Variants in CMSS1 observed in about 807,000 individuals in gnomAD.
CMSS1 encodes the protein protein CMSS1.
In CMSS1, 33 loss-of-function variants were observed where a neutral mutation model predicts 43.5. The observed-to-expected ratio is 0.76, with a 90% CI of 0.57 to 1.01. The LOEUF is 1.01. Ranked by LOEUF, CMSS1 falls within the 50% of genes least tolerant of loss-of-function variation. The probability of loss-of-function intolerance (pLI) is 0.00; values close to 1 mark genes in which losing one functional copy is unlikely to be tolerated. For synonymous variants in CMSS1, 115 were observed against 117.2 expected, an observed-to-expected ratio of 0.98 and a Z score of 0.12; for missense variants, 313 against 326.4, an observed-to-expected ratio of 0.96 and a Z score of 0.32.
chr3:99,943,565 G>T (rs1303399816), intron 1 of CMSS1, among the ~76,000 whole-genome samples: 2 of 152,024 alleles, frequency 1.3e-5, no homozygotes, highest in Admixed American at 6.5e-5. Context: ...TTAGCCGGGC[G>T]TGGTGGCATG....
chr3:99,992,789 T>C (rs987933007), intron 1 of CMSS1, among the ~76,000 whole-genome samples: 1 of 152,164 alleles, frequency 6.6e-6, no homozygotes, highest in Non-Finnish European at 1.5e-5. Flanking sequence ...AAGGTTTTTA[T>C]GGTTTCAGAT....
In CMSS1 at chr3:99,870,298, G is replaced by A. The variant is rs116727418; in HGVS notation, c.64+52255G>A. Among the ~76,000 whole-genome samples, 141 of 152,280 alleles carry A rather than the reference G, an allele frequency of 9.3e-4. 3 individuals carry two copies. Among genetic ancestry groups the A allele is most frequent in the Admixed American group, 2.6e-4 (4 of 15,298 alleles). On this transcript the variant is annotated intron_variant, in intron 1 of 9. Transcript: ENST00000421999. Reference sequence around the variant, plus strand: ...TTATTCTTACTCTTTTAGTCTCACCGTTGAGACACTAACATTTATCCCTGT... The same window carrying A: ...TTATTCTTACTCTTTTAGTCTCACCATTGAGACACTAACATTTATCCCTGT...
intron 1 of CMSS1, among the ~76,000 whole-genome samples, chr3:100,083,775 A>G (rs185872223): frequency 2.0e-4 from 31 of 152,240 alleles, no homozygotes; most frequent in Middle Eastern, 3.4e-3. Context: ...GGGTCTCCCT[A>G]TGTTGCCCAG....
At chr3:99,927,430 C>T (rs965737330) in intron 1 of CMSS1, among the ~76,000 whole-genome samples, 1 of 150,180 alleles carries the variant, frequency 6.7e-6, no homozygotes, top group East Asian at 2.0e-4. Context: ...AGTGCAATGG[C>T]GTGATCTCAG....
At chr3:99,883,738 A>G (rs1478317866) in intron 1 of CMSS1, among the ~76,000 whole-genome samples, 8 of 152,232 alleles carry the variant, frequency 5.3e-5, no homozygotes, top group Admixed American at 1.3e-4. Flanking sequence ...AAAAACAATA[A>G]TAGGTGACAC....
At position 100,160,799 on chromosome 3, in the gene CMSS1, G is replaced by T. The variant is rs184619066; in HGVS notation, c.225+298G>T. ...ACATAGATTTCTAATTCTAGAAGGAGTCCAGAGCTATCCTCCCCCGGCCCT... is the reference window on the plus strand; with the variant it reads ...ACATAGATTTCTAATTCTAGAAGGATTCCAGAGCTATCCTCCCCCGGCCCT... On this transcript the variant is annotated intron_variant, in intron 3 of 9. Transcript: ENST00000421999. Among the ~76,000 whole-genome samples, 153 of 152,288 alleles carry T rather than the reference G, an allele frequency of 1.0e-3. 4 individuals carry two copies. Among genetic ancestry groups the T allele is most frequent in the Admixed American group, 0.01 (153 of 15,298 alleles).
At chr3:99,968,462 G>A (rs1218164015) in intron 1 of CMSS1, among the ~76,000 whole-genome samples, 6 of 152,030 alleles carry the variant, frequency 3.9e-5, no homozygotes, top group Non-Finnish European at 7.4e-5. Flanking sequence ...GATATGTTGG[G>A]TTTAAGTCCT....
chr3:100,031,239 G>A (rs1225707086), intron 1 of CMSS1, among the ~76,000 whole-genome samples: 1 of 152,120 alleles, frequency 6.6e-6, no homozygotes, highest in Non-Finnish European at 1.5e-5. Context: ...TTCTCTAGTG[G>A]AAATCAGGAT....
At chr3:99,998,996 C>A (rs565776769) in intron 1 of CMSS1, among the ~76,000 whole-genome samples, 44 of 152,196 alleles carry the variant, frequency 2.9e-4, no homozygotes, top group Non-Finnish European at 5.4e-4. Flanking sequence ...TTGGTTTATT[C>A]TTTAATACTT....
At chr3:100,106,013 A>G (rs2066388997) in intron 1 of CMSS1, among the ~76,000 whole-genome samples, 2 of 152,212 alleles carry the variant, frequency 1.3e-5, no homozygotes, top group African/African-American at 4.8e-5. Flanking sequence ...CTGGGAGTCT[A>G]GAAGTCAAGA....
At chr3:99,871,183 T>G (rs989208530) in intron 1 of CMSS1, among the ~76,000 whole-genome samples, 13 of 152,234 alleles carry the variant, frequency 8.5e-5, no homozygotes, top group Admixed American at 7.9e-4. Context: ...TGACTTAACC[T>G]GAGCCTAACT....
rs574353756 is a variant in CMSS1 at position 99,876,837 on chromosome 3, A to C, written c.64+58794A>C. Among the ~76,000 whole-genome samples the C allele has an allele frequency of 2.0e-5, 3 of 152,312 alleles. No individual in the cohort carries two copies. In the South Asian group the frequency reaches 6.2e-4, roughly 32 times the overall value. On this transcript the variant is annotated intron_variant, in intron 1 of 9. Transcript: ENST00000421999. ...TTTCTGCATGCCTGTGTTTTAACGA[A>C]AGCAGTTAAAACTATCATTTTTTGG...
At chr3:99,936,084 T>G (rs1707656636) in intron 1 of CMSS1, among the ~76,000 whole-genome samples, 1 of 152,178 alleles carries the variant, frequency 6.6e-6, no homozygotes, top group Admixed American at 6.5e-5. Context: ...CTTTTTAGTC[T>G]TCATTTTCTT....
At chr3:99,957,326 A>G (rs1708348235) in intron 1 of CMSS1, among the ~76,000 whole-genome samples, 1 of 152,130 alleles carries the variant, frequency 6.6e-6, no homozygotes, top group South Asian at 2.1e-4. Flanking sequence ...CTAAGCATTA[A>G]CAGAAAGTAT....
chr3:99,977,138 T>G (rs1256883919), intron 1 of CMSS1, among the ~76,000 whole-genome samples: 1 of 152,188 alleles, frequency 6.6e-6, no homozygotes. Context: ...CATGGAGGGA[T>G]GAAGCAACCT....
intron 2 of CMSS1, among the ~76,000 whole-genome samples, chr3:100,156,290 A>ATT (rs1315936475): frequency 1.1e-5 from 1 of 94,632 alleles, no homozygotes; most frequent in Non-Finnish European, 2.2e-5. Context: ...ACACTAGCTA[A>ATT]TTTTTTTTCT....
At chr3:100,073,571 A>C (rs1404985831) in intron 1 of CMSS1, among the ~76,000 whole-genome samples, 2 of 152,162 alleles carry the variant, frequency 1.3e-5, no homozygotes, top group East Asian at 3.8e-4. Context: ...TCCAGGATGC[A>C]AGAGAGGGAA....
chr3:99,884,805 A>G (rs1316472803), intron 1 of CMSS1, among the ~76,000 whole-genome samples: 1 of 152,220 alleles, frequency 6.6e-6, no homozygotes, highest in East Asian at 1.9e-4. Flanking sequence ...ACAGGATACC[A>G]TGGAATGCTG....
chr3:99,916,865 G>A (rs1033178482), intron 1 of CMSS1, among the ~76,000 whole-genome samples: 3 of 152,200 alleles, frequency 2.0e-5, no homozygotes, highest in African/African-American at 7.2e-5. Flanking sequence ...GGCCAAAGCT[G>A]TTTGGCTTCA....
Sources: gnomAD v4.1 joint callset for allele counts (sites outside exome capture counted in the v4.1 genomes callset) on GRCh38, gnomAD v4.1.1 for gene constraint, MANE v1.5 for transcripts, NCBI Gene and HGNC (gene_info 2026-07-23, HGNC 2026-07-21) for gene names.